Variants in NBAS observed in about 807,000 individuals in gnomAD.
The protein encoded by NBAS is NAG/BC035112 fusion.
In NBAS, 219 loss-of-function variants were observed where a neutral mutation model predicts 302.5. The observed-to-expected ratio is 0.72, with a 90% CI of 0.65 to 0.81. The LOEUF (loss-of-function observed/expected upper bound fraction) is 0.81, where lower values mean the gene tolerates loss of function less well. Among genes scored for constraint, NBAS ranks in the 30% least tolerant of loss-of-function variants. The pLI is 0.00. For missense variants in NBAS, 2,932 were observed against 2,841.6 expected, an observed-to-expected ratio of 1.03 and a Z score of -0.72; for synonymous variants, 1,118 against 1,021.6, an observed-to-expected ratio of 1.09 and a Z score of -1.80.
At chr2:15,426,215 T>C (rs1276885165) in intron 22 of NBAS, among the ~76,000 whole-genome samples, 1 of 152,240 alleles carries the variant, frequency 6.6e-6, no homozygotes. Flanking sequence ...CATTGTTTTC[T>C]AGTTTCTAGT....
At chr2:15,300,994 G>A (rs1449744076) in intron 40 of NBAS, among the ~76,000 whole-genome samples, 1 of 152,228 alleles carries the variant, frequency 6.6e-6, no homozygotes, top group Non-Finnish European at 1.5e-5. Context: ...GTGTCAGGAA[G>A]CACGGCTGGA....
chr2:15,427,866 T>C (rs1677557530), intron 21 of NBAS, 72 bp from the exon 22 acceptor site: 14 of 1,108,386 alleles, frequency 1.3e-5, no homozygotes, highest in Admixed American at 3.9e-5. Context: ...AGGAGTAAAA[T>C]GCAAACAGCA....
downstream of NBAS, among the ~76,000 whole-genome samples, chr2:15,166,060 G>A (rs948057878): frequency 1.3e-5 from 2 of 152,276 alleles, no homozygotes; most frequent in South Asian, 2.1e-4. Flanking sequence ...AGTCTCAGGG[G>A]GGGCGAAGTC....
At chr2:15,335,482 C>T (rs978372746) in intron 35 of NBAS, among the ~76,000 whole-genome samples, 4 of 152,194 alleles carry the variant, frequency 2.6e-5, no homozygotes, top group South Asian at 2.1e-4. Flanking sequence ...TCCACATCCA[C>T]GCCAACAAAT....
intron 9 of NBAS, among the ~76,000 whole-genome samples, chr2:15,521,321 A>G (rs1331339010): frequency 1.3e-5 from 2 of 152,128 alleles, no homozygotes; most frequent in African/African-American, 4.8e-5. Flanking sequence ...TTACAGTCTC[A>G]CTCAACTGTA....
At chr2:15,368,189 G>GA (rs1452005998) in intron 31 of NBAS, among the ~76,000 whole-genome samples, 2 of 117,028 alleles carry the variant, frequency 1.7e-5, no homozygotes, top group East Asian at 5.2e-4. Context: ...CTAATGTTTT[G>GA]ACTTTTTTTT....
intron 40 of NBAS, among the ~76,000 whole-genome samples, chr2:15,295,674 CTTAAA>C (rs1408978743): frequency 6.6e-6 from 1 of 152,022 alleles, no homozygotes; most frequent in Admixed American, 6.5e-5. Context: ...ATTGCCTTCT[CTTAAA>C]TTAAAACTTC....
chr2:15,424,639 G>T (rs914664216), intron 22 of NBAS, among the ~76,000 whole-genome samples, 171 bp from the exon 23 acceptor site: 3 of 152,158 alleles, frequency 2.0e-5, no homozygotes, highest in African/African-American at 7.2e-5. Context: ...AGATAAATGA[G>T]ACTTTTTTGG....
the NBAS span, among the ~76,000 whole-genome samples, chr2:14,962,514 T>C: frequency 6.6e-6 from 1 of 152,142 alleles, no homozygotes; most frequent in Admixed American, 6.5e-5. Flanking sequence ...AGCGATCTGC[T>C]TGAGACCAGG....
chr2:15,129,157 C>A, the NBAS span, among the ~76,000 whole-genome samples: 1 of 152,212 alleles, frequency 6.6e-6, no homozygotes, highest in Non-Finnish European at 1.5e-5. Flanking sequence ...TCTAGCCTAC[C>A]CAGCAATACT....
At chr2:14,848,570 C>A in the NBAS span, among the ~76,000 whole-genome samples, 1 of 140,324 alleles carries the variant, frequency 7.1e-6, no homozygotes, top group Non-Finnish European at 1.5e-5. Context: ...TGGGTGGAGC[C>A]CACCACAGCT....
chr2:15,173,304 A>G (rs1443694353), intron 51 of NBAS, among the ~76,000 whole-genome samples: 1 of 152,214 alleles, frequency 6.6e-6, no homozygotes, highest in African/African-American at 2.4e-5. Context: ...CTCTGATTTA[A>G]AATCTTTGAT....
chr2:15,251,329 G>A (rs772297875), intron 44 of NBAS, among the ~76,000 whole-genome samples: 1 of 152,164 alleles, frequency 6.6e-6, no homozygotes, highest in Non-Finnish European at 1.5e-5. Flanking sequence ...CTAGGGGAGG[G>A]ATAGCATTAG....
the NBAS span, among the ~76,000 whole-genome samples, chr2:15,093,131 T>C: frequency 2.0e-5 from 3 of 151,998 alleles, no homozygotes; most frequent in Admixed American, 2.0e-4. Context: ...AAAGGCATTA[T>C]TGGGCCGAGT....
At chr2:15,014,484 G>A in the NBAS span, among the ~76,000 whole-genome samples, 1 of 152,014 alleles carries the variant, frequency 6.6e-6, no homozygotes, top group Non-Finnish European at 1.5e-5. Context: ...AGGAGCCTTG[G>A]AAACTACACA....
the NBAS span, among the ~76,000 whole-genome samples, chr2:14,815,636 T>A: frequency 1.3e-5 from 2 of 152,234 alleles, no homozygotes; most frequent in African/African-American, 4.8e-5. Context: ...CTACCTTTTA[T>A]ATATTGCTAG....
At chr2:15,126,485 G>C in the NBAS span, among the ~76,000 whole-genome samples, 2 of 152,138 alleles carry the variant, frequency 1.3e-5, no homozygotes, top group East Asian at 1.9e-4. Context: ...TACCTCTCAG[G>C]GGGGCATGAG....
intron 48 of NBAS, among the ~76,000 whole-genome samples, chr2:15,211,605 C>T (rs928987611): frequency 1.3e-5 from 2 of 152,108 alleles, no homozygotes; most frequent in South Asian, 4.1e-4. Context: ...ACGTTTTTCT[C>T]GCTTATCCGT....
the NBAS span, among the ~76,000 whole-genome samples, chr2:14,908,156 G>A: frequency 4.6e-5 from 7 of 152,194 alleles, no homozygotes; most frequent in Non-Finnish European, 1.0e-4. Flanking sequence ...AAGGTCAGGA[G>A]ATCGAGACCA....
Sources: allele counts gnomAD v4.1 joint callset (sites outside exome capture counted in the v4.1 genomes callset), GRCh38; gene constraint gnomAD v4.1.1; transcripts MANE v1.5; gene names NCBI Gene and HGNC (gene_info 2026-07-23, HGNC 2026-07-21).